TRHDE: variants seen among roughly 807,000 people sequenced by gnomAD.
The protein encoded by TRHDE is thyrotropin releasing hormone degrading enzyme.
TRHDE carries 72 observed loss-of-function variants against 125.7 expected under a neutral mutation model. That is an observed-to-expected ratio of 0.57 (90% CI 0.47 to 0.70). The LOEUF is 0.70. TRHDE is among the 30% of genes least tolerant of loss of function. TRHDE has a pLI of 0.00. For missense variants in TRHDE, 1,110 were observed against 1,327.1 expected (o/e 0.84, Z 2.54); for synonymous variants, 509 against 509.1 (o/e 1.00, Z 0.00).
intron 3 of TRHDE, among the ~76,000 whole-genome samples, chr12:72,463,346 G>T (rs959453797): frequency 6.6e-6 from 1 of 152,290 alleles, no homozygotes; most frequent in Middle Eastern, 3.4e-3. Flanking sequence ...ATAGACTTAT[G>T]AATCTCAAAT....
At chr12:72,163,529 A>G (rs1409667325) in intron 2 of TRHDE, among the ~76,000 whole-genome samples, 1 of 152,192 alleles carries the variant, frequency 6.6e-6, no homozygotes, top group Non-Finnish European at 1.5e-5. Context: ...AAAACTAGAG[A>G]TTATGTGTGG....
intron 12 of TRHDE, among the ~76,000 whole-genome samples, chr12:72,580,895 C>A (rs534819865): frequency 2.0e-5 from 3 of 152,124 alleles, no homozygotes; most frequent in Admixed American, 6.5e-5. Context: ...TATATACATT[C>A]TATGAATAAA....
intron 6 of TRHDE, among the ~76,000 whole-genome samples, chr12:72,513,144 G>A (rs1878681552): frequency 1.3e-5 from 2 of 152,016 alleles, no homozygotes; most frequent in Non-Finnish European, 2.9e-5. Context: ...TACCATTGAG[G>A]TCACCTTTTA....
At chr12:72,151,025 A>C (rs906171291) in intron 2 of TRHDE, among the ~76,000 whole-genome samples, 6 of 152,260 alleles carry the variant, frequency 3.9e-5, no homozygotes, top group Admixed American at 1.3e-4. Flanking sequence ...ACAGTGTAAA[A>C]GTGTTCCTAT....
intron 15 of TRHDE, among the ~76,000 whole-genome samples, chr12:72,638,917 C>CCT (rs199882271): frequency 0.073 from 11,062 of 151,986 alleles, 459 homozygotes; most frequent in Middle Eastern, 0.11. Context: ...ACCCGACCTT[C>CCT]CTCTCTGGCT....
At chr12:72,506,730 A>G (rs574251621) in intron 6 of TRHDE, among the ~76,000 whole-genome samples, 31 of 152,324 alleles carry the variant, frequency 2.0e-4, no homozygotes, top group African/African-American at 6.7e-4. Context: ...TGGCAACTCC[A>G]AGCTCCCAGG....
chr12:72,298,533 C>T (rs935128425), intron 2 of TRHDE, among the ~76,000 whole-genome samples: 1 of 152,060 alleles, frequency 6.6e-6, no homozygotes, highest in South Asian at 2.1e-4. Context: ...CTTTAAAGAA[C>T]TGTTTTTGGC....
intron 2 of TRHDE, among the ~76,000 whole-genome samples, chr12:72,146,096 C>G (rs1044909056): frequency 3.9e-5 from 6 of 152,092 alleles, no homozygotes; most frequent in Non-Finnish European, 7.4e-5. Flanking sequence ...AAATAAGGAC[C>G]ATGTGCTATT....
In TRHDE at chr12:72,274,450, A is replaced by G. The variant is rs1487858308; in HGVS notation, c.914+893A>G. 2.0e-5 allele frequency: 3 copies of G among 152,220 alleles called. No homozygotes were observed. In the East Asian group the frequency reaches 5.8e-4, roughly 29 times the overall value. The allele number at this position is 152,220 out of a possible 1,614,324, so 9.4% of individuals were successfully genotyped here. A position where few individuals can be genotyped will look rare whatever the true frequency, so the allele number is the denominator to read the frequency against. On this transcript the variant is annotated intron_variant, in intron 1 of 18. Coordinates refer to ENST00000261180, the MANE Select transcript of TRHDE (RefSeq NM_013381.3). Reference sequence around the variant, plus strand: ...TTTAGAGCTCAGACCTCATAATCCAATAGAACTGAGTTCGAATCTCTGCTG... The same window carrying G: ...TTTAGAGCTCAGACCTCATAATCCAGTAGAACTGAGTTCGAATCTCTGCTG...
chr12:72,213,062 A>C (rs1435046802), intron 2 of TRHDE, among the ~76,000 whole-genome samples: 1 of 152,172 alleles, frequency 6.6e-6, no homozygotes, highest in East Asian at 1.9e-4. Context: ...CATTAAGCTA[A>C]ATGAAAGAAG....
chr12:72,247,932 CATCT>C (rs916012519), intron 2 of TRHDE, among the ~76,000 whole-genome samples: 23 of 152,198 alleles, frequency 1.5e-4, no homozygotes, highest in Middle Eastern at 3.4e-3. Flanking sequence ...TATTATCTAT[CATCT>C]ATCTTTTTAT....
At chr12:72,292,549 T>A (rs1305777424) in intron 2 of TRHDE, among the ~76,000 whole-genome samples, 1 of 152,164 alleles carries the variant, frequency 6.6e-6, no homozygotes, top group Non-Finnish European at 1.5e-5. Context: ...AGTTCAGTAG[T>A]TATATTTCTC....
chr12:72,569,073 A>C (rs967250136), intron 10 of TRHDE, among the ~76,000 whole-genome samples: 5 of 152,098 alleles, frequency 3.3e-5, no homozygotes, highest in Admixed American at 3.3e-4. Context: ...GAGAGGCAAT[A>C]TTCTCCATGG....
chr12:72,442,960 A>G (rs1485152314), intron 3 of TRHDE, among the ~76,000 whole-genome samples: 1 of 151,822 alleles, frequency 6.6e-6, no homozygotes, highest in Non-Finnish European at 1.5e-5. Flanking sequence ...CCTGAAATCC[A>G]CCTTTCAAAC....
chr12:72,185,439 C>G (rs975002457), intron 2 of TRHDE, among the ~76,000 whole-genome samples: 4 of 152,258 alleles, frequency 2.6e-5, no homozygotes, highest in African/African-American at 7.2e-5. Context: ...GAGCGCACGG[C>G]GCAGGACTGG....
rs116766388 is a variant in TRHDE at position 72,442,189 on chromosome 12, A to G, written c.1316-27569A>G. Among the ~76,000 whole-genome samples the G allele has an allele frequency of 2.3e-3, 351 of 151,942 alleles. 1 individual carries two copies. The highest frequency in any genetic ancestry group is 8.0e-3 in the African/African-American group (331 of 41,494). On this transcript the variant is annotated intron_variant, in intron 3 of 18. Coordinates refer to ENST00000261180, the MANE Select transcript of TRHDE (RefSeq NM_013381.3). ...TAACTATTATTCACATTGACTTTTA[A>G]ATGTGATTAAGGCTTTTCACTCAGT...
rs370193638 is a variant in TRHDE, at chr12:72,311,082, G to A, written c.1188+24128G>A. ...TATAGTTCTAAGGATTTTGACAAAT[G>A]CATATAGTCATTAACCACCACCACA... On this transcript the variant is annotated intron_variant, in intron 2 of 18. Transcript: ENST00000261180. 8.7e-4 allele frequency among the ~76,000 whole-genome samples: 133 copies of A among 152,082 alleles called. 1 individual carries two copies. Among genetic ancestry groups the A allele is most frequent in the African/African-American group, 2.9e-3 (120 of 41,490 alleles).
chr12:72,241,368 CT>C (rs956267863), intron 2 of TRHDE, among the ~76,000 whole-genome samples: 2 of 152,118 alleles, frequency 1.3e-5, no homozygotes, highest in Non-Finnish European at 2.9e-5. Context: ...ATCATTTCAT[CT>C]TTTTGTGGGT....
intron 12 of TRHDE, among the ~76,000 whole-genome samples, chr12:72,607,540 T>G (rs1872497679): frequency 6.6e-6 from 1 of 152,126 alleles, no homozygotes; most frequent in Non-Finnish European, 1.5e-5. Flanking sequence ...GAATAAATCC[T>G]TGATGGTTTT....
Sources: gnomAD v4.1 joint callset for allele counts (sites outside exome capture counted in the v4.1 genomes callset) on GRCh38, gnomAD v4.1.1 for gene constraint, MANE v1.5 for transcripts, NCBI Gene and HGNC (gene_info 2026-07-23, HGNC 2026-07-21) for gene names.